PREX2: variants seen among roughly 807,000 people sequenced by gnomAD.
PREX2 encodes phosphatidylinositol 3,4,5-trisphosphate-dependent Rac exchanger 2 protein.
Under a neutral mutation model 203.2 loss-of-function variants are expected in PREX2, and 107 were observed. That is an observed-to-expected ratio of 0.53 (90% confidence interval 0.45 to 0.62). The LOEUF is 0.62. Among genes scored for constraint, PREX2 ranks in the 20% least tolerant of loss-of-function variants. The probability of loss-of-function intolerance (pLI) is 0.00; values close to 1 mark genes in which losing one functional copy is unlikely to be tolerated. For synonymous variants in PREX2, 672 were observed against 663.6 expected (o/e 1.01, Z -0.19); for missense variants, 1,777 against 1,955.9 (o/e 0.91, Z 1.72).
chr8:68,105,891 TTA>T, intron 23 of PREX2: 1 of 153,926 alleles, frequency 6.5e-6, no homozygotes, highest in African/African-American at 2.4e-5. Flanking sequence ...CATTACTGTA[TTA>T]TATATATGGC....
At chr8:68,034,975 T>C (rs1200973638) in intron 6 of PREX2, among the ~76,000 whole-genome samples, 1 of 152,090 alleles carries the variant, frequency 6.6e-6, no homozygotes, top group Non-Finnish European at 1.5e-5. Context: ...TGAAAATGAA[T>C]CCAGTTTAAA....
At position 68,096,877 on chromosome 8, in the gene PREX2, A is replaced by G. The variant is rs551710342; in HGVS notation, c.2369-140A>G. ...TGTTATTTTTTAAAATGTTAACAAG[A>G]ATAGATGCTTCATTTAACACATCAG... On this transcript the variant is annotated intron_variant, in intron 21 of 39. Transcript: ENST00000288368. 1.4e-4 allele frequency: 98 copies of G among 691,736 alleles called. No individual in the cohort carries two copies. In the African/African-American group the frequency reaches 1.6e-3, roughly 12 times the overall value. 42.8% of individuals were successfully genotyped at this position (691,736 alleles called of 1,614,324 possible).
chr8:68,155,384 G>T (rs778161746), intron 34 of PREX2, among the ~76,000 whole-genome samples: 9 of 151,888 alleles, frequency 5.9e-5, no homozygotes, highest in African/African-American at 1.9e-4. Context: ...GTATAAACTG[G>T]TTTTTTAAAT....
chr8:68,092,666 G>A (rs1585781948), intron 20 of PREX2, among the ~76,000 whole-genome samples: 1 of 152,256 alleles, frequency 6.6e-6, no homozygotes, highest in East Asian at 1.9e-4. Context: ...CCAATGAGAT[G>A]AATGATGTCC....
chr8:67,959,772 G>A (rs1012822872), intron 1 of PREX2, among the ~76,000 whole-genome samples: 1 of 152,172 alleles, frequency 6.6e-6, no homozygotes, highest in Non-Finnish European at 1.5e-5. Context: ...GTGGCCCCTT[G>A]TGAACACATA....
chr8:68,066,569 A>AT (rs1287546034), intron 11 of PREX2, among the ~76,000 whole-genome samples: 1 of 151,896 alleles, frequency 6.6e-6, no homozygotes, highest in African/African-American at 2.4e-5. Flanking sequence ...GGTTATTTGT[A>AT]TTTTTGGTAT....
At chr8:67,968,502 T>A (rs1461620518) in intron 1 of PREX2, among the ~76,000 whole-genome samples, 2 of 152,196 alleles carry the variant, frequency 1.3e-5, no homozygotes, top group African/African-American at 2.4e-5. Flanking sequence ...AATGGGTGAA[T>A]AATTATATTG....
At chr8:67,953,627 C>A (rs560198666) in intron 1 of PREX2, among the ~76,000 whole-genome samples, 13 of 152,244 alleles carry the variant, frequency 8.5e-5, no homozygotes, top group African/African-American at 3.1e-4. Context: ...AATCTGTCAA[C>A]TTTCTGCTTA....
intron 31 of PREX2, among the ~76,000 whole-genome samples, chr8:68,130,753 T>C (rs1810993068): frequency 1.3e-5 from 2 of 152,162 alleles, no homozygotes; most frequent in Admixed American, 6.5e-5. Context: ...GATGTACTGA[T>C]GGTTGCTTGG....
intron 1 of PREX2, among the ~76,000 whole-genome samples, chr8:67,979,777 TA>T (rs906288228): frequency 1.4e-3 from 209 of 152,244 alleles, no homozygotes; most frequent in African/African-American, 4.3e-3. Flanking sequence ...AGCATGCTTT[TA>T]AAAAAAATAC....
chr8:68,028,431 A>G (rs1807793398), intron 5 of PREX2, among the ~76,000 whole-genome samples: 2 of 152,184 alleles, frequency 1.3e-5, no homozygotes, highest in South Asian at 2.1e-4. Flanking sequence ...CATATTAACT[A>G]GTATTTTTAT....
At chr8:68,228,815 C>T (rs184613857) in intron 39 of PREX2, among the ~76,000 whole-genome samples, 348 of 150,784 alleles carry the variant, frequency 2.3e-3, no homozygotes, top group Non-Finnish European at 4.2e-3. Context: ...GCCGGGCTGT[C>T]AGCCTGTGGT....
At chr8:68,168,418 G>A (rs1372171155) in intron 35 of PREX2, among the ~76,000 whole-genome samples, 3 of 152,146 alleles carry the variant, frequency 2.0e-5, no homozygotes, top group Admixed American at 1.3e-4. Flanking sequence ...AATAGCATGA[G>A]CATTAATTAC....
intron 35 of PREX2, among the ~76,000 whole-genome samples, chr8:68,162,846 AAT>A (rs766087055): frequency 8.5e-4 from 130 of 152,330 alleles, no homozygotes; most frequent in Non-Finnish European, 1.7e-3. Context: ...TACATGCTCA[AAT>A]CCAAAGACAT....
At position 68,119,474 on chromosome 8, in the gene PREX2, A is replaced by T; in HGVS notation, c.3464A>T (p.Gln1155Leu). ...AGTGTTCGCATATCTCATGATAAAC[A>T]GGACAAGATACATAGTTGCCTTGAG... ...PLSVRISHDK[Q>L]DKIHSCLEHL... is the part of the protein sequence containing the mutation. Residue 1155 changes from glutamine to leucine, a missense_variant, in exon 28 of 40, where the codon CAG (glutamine) becomes CTG (leucine). Gln to Leu is a moderately radical substitution (Grantham distance 113). Coordinates refer to ENST00000288368, the MANE Select transcript of PREX2 (RefSeq NM_024870.4). The T allele has an allele frequency of 1.9e-6, 3 of 1,613,858 alleles. No individual in the cohort carries two copies. The highest frequency in any genetic ancestry group is 2.5e-6 in the Non-Finnish European group (3 of 1,179,800).
chr8:68,077,754 GT>G (rs1455976360), intron 15 of PREX2, among the ~76,000 whole-genome samples: 1 of 151,990 alleles, frequency 6.6e-6, no homozygotes, highest in Non-Finnish European at 1.5e-5. Context: ...AAGTTTTTCT[GT>G]TTTGTCTTGT....
At chr8:68,105,309 C>T (rs199951468) in intron 23 of PREX2, 344 of 1,367,712 alleles carry the variant, frequency 2.5e-4, no homozygotes, top group Middle Eastern at 1.5e-3. Context: ...GCACTGCATT[C>T]CTGAGGACCT....
chr8:68,218,429 T>C (rs1812887874), intron 38 of PREX2, among the ~76,000 whole-genome samples: 1 of 152,210 alleles, frequency 6.6e-6, no homozygotes, highest in African/African-American at 2.4e-5. Flanking sequence ...GAAAAGATAC[T>C]TAACCCACAG....
chr8:67,966,258 A>G (rs1805775157), intron 1 of PREX2, among the ~76,000 whole-genome samples: 1 of 152,200 alleles, frequency 6.6e-6, no homozygotes, highest in Non-Finnish European at 1.5e-5. Context: ...TAAAAAGAAA[A>G]TGTCTGCTAA....
Sources: gnomAD v4.1 joint callset for allele counts (sites outside exome capture counted in the v4.1 genomes callset) on GRCh38, gnomAD v4.1.1 for gene constraint, MANE v1.5 for transcripts, NCBI Gene and HGNC (gene_info 2026-07-23, HGNC 2026-07-21) for gene names.